Variants in TFEC observed in about 807,000 individuals in gnomAD.
TFEC encodes class E basic helix-loop-helix protein 34.
In TFEC, 31 loss-of-function variants were observed where a neutral mutation model predicts 41.6. The ratio of observed to expected loss-of-function variants is 0.74; its 90% CI spans 0.56 to 1.01. The LOEUF (loss-of-function observed/expected upper bound fraction) is 1.01, where lower values mean the gene tolerates loss of function less well. TFEC is among the 50% of genes least tolerant of loss of function. The pLI is 0.00. For synonymous variants in TFEC, 143 were observed against 140.6 expected (o/e 1.02, Z -0.12); for missense variants, 402 against 404.1 (o/e 0.99, Z 0.04).
intron 1 of TFEC, among the ~76,000 whole-genome samples, chr7:116,012,059 C>T (rs1478144939): frequency 1.3e-5 from 2 of 152,168 alleles, no homozygotes; most frequent in African/African-American, 4.8e-5. Flanking sequence ...AAATTGGACT[C>T]ACACATAACT....
At chr7:116,090,736 G>T (rs1797306945) in intron 3 of TFEC, among the ~76,000 whole-genome samples, 1 of 152,016 alleles carries the variant, frequency 6.6e-6, no homozygotes, top group African/African-American at 2.4e-5. Context: ...AATCTAATAA[G>T]ACATAGATAC....
chr7:116,152,317 G>C (rs1033104409), intron 1 of TFEC, among the ~76,000 whole-genome samples: 1 of 152,146 alleles, frequency 6.6e-6, no homozygotes, highest in Non-Finnish European at 1.5e-5. Context: ...CCAAGAAGAG[G>C]GGATCTAAAC....
intron 1 of TFEC, among the ~76,000 whole-genome samples, chr7:116,124,320 T>A (rs1340643105): frequency 6.6e-6 from 1 of 152,136 alleles, no homozygotes; most frequent in African/African-American, 2.4e-5. Context: ...TAATGAAATG[T>A]TAACTTGCAT....
chr7:115,967,440 A>G (rs951439694), intron 3 of TFEC, among the ~76,000 whole-genome samples: 2 of 151,840 alleles, frequency 1.3e-5, no homozygotes, highest in African/African-American at 4.8e-5. Flanking sequence ...TGCACAATGC[A>G]TGCAAAAAAT....
chr7:115,943,389 T>G lies in TFEC; in HGVS notation c.516-1349A>C, dbSNP rs189290296. ...GACCCTTATTTTGTGTCATTTTTTCTCATGGAAAGAAAAGCTTGAGGACAG... is the reference window on the plus strand; with the variant it reads ...GACCCTTATTTTGTGTCATTTTTTCGCATGGAAAGAAAAGCTTGAGGACAG... On this transcript the variant is annotated intron_variant, in intron 6 of 7. Transcript: ENST00000265440. Among the ~76,000 whole-genome samples, 656 of 151,854 alleles carry G rather than the reference T, an allele frequency of 4.3e-3. 6 individuals are homozygous for G. The highest frequency in any genetic ancestry group is 0.015 in the African/African-American group (614 of 41,444).
intron 1 of TFEC, among the ~76,000 whole-genome samples, chr7:116,127,407 T>C (rs1293381388): frequency 4.6e-5 from 7 of 152,208 alleles, no homozygotes; most frequent in African/African-American, 1.7e-4. Context: ...TTATCCGATG[T>C]AATAATTCGT....
intron 3 of TFEC, among the ~76,000 whole-genome samples, chr7:116,045,133 A>G (rs1796133560): frequency 6.6e-6 from 1 of 152,220 alleles, no homozygotes; most frequent in Non-Finnish European, 1.5e-5. Context: ...AGACAGGAAA[A>G]TATGGGAAAG....
intron 1 of TFEC, among the ~76,000 whole-genome samples, chr7:116,144,573 C>G (rs887347183): frequency 6.6e-6 from 1 of 152,074 alleles, no homozygotes; most frequent in Non-Finnish European, 1.5e-5. Context: ...TGGTCTCAAA[C>G]TCCTGGGTTC....
At chr7:116,043,529 A>G (rs1490441224) in intron 3 of TFEC, among the ~76,000 whole-genome samples, 1 of 152,228 alleles carries the variant, frequency 6.6e-6, no homozygotes, top group Non-Finnish European at 1.5e-5. Flanking sequence ...AAGTAAAAAT[A>G]AGAGGTTCTC....
chr7:115,987,648 A>G (rs1324329687), intron 1 of TFEC, among the ~76,000 whole-genome samples: 1 of 152,178 alleles, frequency 6.6e-6, no homozygotes, highest in East Asian at 1.9e-4. Flanking sequence ...TGAGTTCTTC[A>G]TGGGCAAGGA....
At chr7:116,096,855 G>A (rs1054654924) in intron 3 of TFEC, among the ~76,000 whole-genome samples, 5 of 152,142 alleles carry the variant, frequency 3.3e-5, no homozygotes, top group African/African-American at 1.2e-4. Flanking sequence ...ACTTTGGGAG[G>A]CCGAAGAGGG....
At chr7:116,152,708 T>G (rs1457102640) in intron 1 of TFEC, among the ~76,000 whole-genome samples, 2 of 152,194 alleles carry the variant, frequency 1.3e-5, no homozygotes, top group African/African-American at 2.4e-5. Flanking sequence ...TGGTTCCACC[T>G]AGCAAAGTTG....
chr7:116,072,764 A>G (rs535298097), intron 3 of TFEC, among the ~76,000 whole-genome samples: 1 of 151,700 alleles, frequency 6.6e-6, no homozygotes, highest in Non-Finnish European at 1.5e-5. Flanking sequence ...AATATAGCAC[A>G]CTCTTATGAA....
intron 3 of TFEC, among the ~76,000 whole-genome samples, chr7:115,969,596 T>A (rs1253331250): frequency 6.6e-6 from 1 of 151,934 alleles, no homozygotes; most frequent in South Asian, 2.1e-4. Context: ...CAAAGGGAAG[T>A]GCTGACTATA....
intron 3 of TFEC, among the ~76,000 whole-genome samples, chr7:115,972,365 T>C (rs2130587424): frequency 6.6e-6 from 1 of 152,234 alleles, no homozygotes; most frequent in African/African-American, 2.4e-5. Context: ...TTTTTCATTA[T>C]TCCCATAATA....
chr7:116,055,536 C>T (rs1438005662), intron 3 of TFEC, among the ~76,000 whole-genome samples: 1 of 151,662 alleles, frequency 6.6e-6, no homozygotes, highest in East Asian at 1.9e-4. Context: ...ATGGACTTTT[C>T]CTGTGAAACC....
intron 6 of TFEC, among the ~76,000 whole-genome samples, chr7:115,944,635 T>C (rs1329461898): frequency 2.0e-5 from 3 of 151,696 alleles, no homozygotes; most frequent in African/African-American, 7.2e-5. Flanking sequence ...CAAAATATAT[T>C]CCAATCATGA....
intron 3 of TFEC, among the ~76,000 whole-genome samples, chr7:116,093,200 C>T (rs1797368605): frequency 6.6e-6 from 1 of 152,008 alleles, no homozygotes; most frequent in Non-Finnish European, 1.5e-5. Context: ...TCCATGAAAC[C>T]ATGGTAAGAC....
rs935494178 is a variant in TFEC, at chr7:115,935,674, C to T, written c.*4877G>A. 1 of 151,418 alleles carries T rather than the reference C, an allele frequency of 6.6e-6. No individual in the cohort carries two copies. Among genetic ancestry groups the T allele is most frequent in the Admixed American group, 6.6e-5 (1 of 15,174 alleles). 9.4% of individuals were successfully genotyped at this position (151,418 alleles called of 1,614,324 possible). A position where few individuals can be genotyped will look rare whatever the true frequency, so the allele number is the denominator to read the frequency against. On this transcript the variant is annotated 3_prime_UTR_variant, in exon 8 of 8. Coordinates refer to ENST00000265440, the MANE Select transcript of TFEC (RefSeq NM_012252.4). ...TAAACTACCAGCTTTAGCACAAGAA[C>T]AAAATTTATATTCTATGGAAAAAAT...
Sources: gnomAD v4.1 joint callset for allele counts (sites outside exome capture counted in the v4.1 genomes callset) on GRCh38, gnomAD v4.1.1 for gene constraint, MANE v1.5 for transcripts, NCBI Gene and HGNC (gene_info 2026-07-23, HGNC 2026-07-21) for gene names.